CDH13: variants seen among roughly 807,000 people sequenced by gnomAD.
CDH13 encodes cadherin 13.
CDH13 carries 24 observed loss-of-function variants against 63.8 expected under a neutral mutation model. That is an observed-to-expected ratio of 0.38 (90% confidence interval 0.27 to 0.53). The LOEUF is 0.53. Ranked by LOEUF, CDH13 falls within the 20% of genes least tolerant of loss-of-function variation. The pLI is 0.85. For missense variants in CDH13, 1,049 were observed against 903.1 expected, an observed-to-expected ratio of 1.16 and a Z score of -2.07; for synonymous variants, 503 against 355.3, an observed-to-expected ratio of 1.42 and a Z score of -4.67.
chr16:82,683,907 T>G (rs1256511389), intron 1 of CDH13, among the ~76,000 whole-genome samples: 2 of 152,242 alleles, frequency 1.3e-5, no homozygotes, highest in African/African-American at 4.8e-5. Flanking sequence ...ATTGTGCGCT[T>G]TTTATTCTTT....
intron 1 of CDH13, among the ~76,000 whole-genome samples, chr16:82,725,581 TGGTG>T (rs2033049244): frequency 6.6e-6 from 1 of 152,220 alleles, no homozygotes; most frequent in African/African-American, 2.4e-5. Context: ...TCCTGGCACA[TGGTG>T]ACCTCTTAAT....
intron 10 of CDH13, among the ~76,000 whole-genome samples, chr16:83,727,941 T>G (rs1262788565): frequency 1.3e-5 from 2 of 152,178 alleles, no homozygotes; most frequent in Non-Finnish European, 2.9e-5. Flanking sequence ...AGTATCAAGT[T>G]TGACTGATGG....
At chr16:83,514,983 G>C (rs1172058981) in intron 7 of CDH13, among the ~76,000 whole-genome samples, 1 of 152,168 alleles carries the variant, frequency 6.6e-6, no homozygotes, top group Non-Finnish European at 1.5e-5. Context: ...TGGCGAAATG[G>C]AGACTGAAAG....
At chr16:83,514,346 C>T (rs1232386337) in intron 7 of CDH13, among the ~76,000 whole-genome samples, 1 of 152,076 alleles carries the variant, frequency 6.6e-6, no homozygotes, top group African/African-American at 2.4e-5. Flanking sequence ...TTGGAGTATC[C>T]TCATAAGAAG....
intron 8 of CDH13, among the ~76,000 whole-genome samples, chr16:83,635,490 C>T (rs1911177192): frequency 1.3e-5 from 2 of 151,762 alleles, no homozygotes; most frequent in African/African-American, 4.8e-5. Context: ...ATTGCAGGCA[C>T]ATGCCACCAT....
intron 5 of CDH13, among the ~76,000 whole-genome samples, chr16:83,287,793 T>C (rs2089358075): frequency 6.6e-6 from 1 of 152,208 alleles, no homozygotes; most frequent in Admixed American, 6.5e-5. Flanking sequence ...AAAAATTGTC[T>C]TCCATGGAAC....
chr16:82,724,124 T>C (rs1474035696), intron 1 of CDH13, among the ~76,000 whole-genome samples: 1 of 152,164 alleles, frequency 6.6e-6, no homozygotes, highest in South Asian at 2.1e-4. Context: ...GATCCTACAA[T>C]TGTGCAGGGT....
At chr16:82,983,425 C>T (rs1910541336) in intron 2 of CDH13, among the ~76,000 whole-genome samples, 1 of 152,142 alleles carries the variant, frequency 6.6e-6, no homozygotes, top group Non-Finnish European at 1.5e-5. Context: ...ATGTCATAGT[C>T]TGAGTTTGGA....
At chr16:82,922,963 A>G (rs1288040217) in intron 2 of CDH13, among the ~76,000 whole-genome samples, 3 of 152,214 alleles carry the variant, frequency 2.0e-5, no homozygotes, top group Non-Finnish European at 2.9e-5. Flanking sequence ...TTTGTATCCC[A>G]GTGAATATGA....
intron 2 of CDH13, 109 bp from the exon 3 acceptor site, chr16:83,031,901 T>A: frequency 2.3e-6 from 2 of 852,142 alleles, no homozygotes; most frequent in East Asian, 5.3e-5. Flanking sequence ...ATTTGTGAAC[T>A]CTGGGTTGGG....
At chr16:83,124,077 G>A (rs943305706) in intron 3 of CDH13, among the ~76,000 whole-genome samples, 3 of 152,036 alleles carry the variant, frequency 2.0e-5, no homozygotes, top group African/African-American at 7.2e-5. Flanking sequence ...CTGGAGTCTC[G>A]TTCTGTCACC....
In CDH13 at chr16:83,486,744, T is replaced by A. The variant is rs113405486; in HGVS notation, c.960+89T>A. 2,331 of 1,213,452 alleles carry A rather than the reference T, an allele frequency of 1.9e-3. 25 individuals carry two copies. The African/African-American group carries it at 0.031, about 16-fold the overall frequency. The allele number at this position is 1,213,452 out of a possible 1,614,324, so 75.2% of individuals were successfully genotyped here. On this transcript the variant is annotated intron_variant, in intron 7 of 13. Coordinates refer to ENST00000567109, the MANE Select transcript of CDH13 (RefSeq NM_001257.5). ...GATGTGGGGCTCCAGTCAGTGGTTT[T>A]TTTTAATACTGTAAAGGCAGAAATG...
At chr16:82,829,530 T>C (rs2038428504) in intron 1 of CDH13, 1 of 151,888 alleles carries the variant, frequency 6.6e-6, no homozygotes, top group Admixed American at 6.6e-5. Context: ...AAAAGTGCAG[T>C]CGGAAGACAG....
intron 7 of CDH13, among the ~76,000 whole-genome samples, chr16:83,528,958 G>A (rs2075022394): frequency 6.6e-6 from 1 of 152,174 alleles, no homozygotes; most frequent in African/African-American, 2.4e-5. Flanking sequence ...TACTAATGGG[G>A]TAGTTATATA....
At chr16:83,707,836 C>CAAAAAAAAAAAAAAGAA (rs1907343699) in intron 10 of CDH13, among the ~76,000 whole-genome samples, 1 of 78,902 alleles carries the variant, frequency 1.3e-5, no homozygotes, top group Non-Finnish European at 2.3e-5. Flanking sequence ...ACCCTAAAGG[C>CAAAAAAAAAAAAAAGAA]AAAAAAAAAA....
intron 5 of CDH13, among the ~76,000 whole-genome samples, chr16:83,264,769 G>A (rs1244790172): frequency 6.6e-6 from 1 of 150,892 alleles, no homozygotes; most frequent in Admixed American, 6.6e-5. Context: ...TCTGGCATTT[G>A]TGTATGCATT....
At chr16:82,794,414 T>C (rs750918033) in intron 1 of CDH13, among the ~76,000 whole-genome samples, 7 of 151,386 alleles carry the variant, frequency 4.6e-5, no homozygotes, top group Non-Finnish European at 1.0e-4. Flanking sequence ...TTTCTTTTCT[T>C]TTCTTTTGTT....
At chr16:82,695,708 T>A (rs2030202948) in intron 1 of CDH13, among the ~76,000 whole-genome samples, 1 of 152,182 alleles carries the variant, frequency 6.6e-6, no homozygotes, top group Non-Finnish European at 1.5e-5. Context: ...GATTGTTAGG[T>A]CACTAATTGA....
At chr16:83,114,007 G>C (rs1366010488) in intron 3 of CDH13, among the ~76,000 whole-genome samples, 1 of 152,164 alleles carries the variant, frequency 6.6e-6, no homozygotes, top group Non-Finnish European at 1.5e-5. Flanking sequence ...GCTGAAGAGA[G>C]AACATCTGGA....
Sources: allele counts gnomAD v4.1 joint callset (sites outside exome capture counted in the v4.1 genomes callset), GRCh38; gene constraint gnomAD v4.1.1; transcripts MANE v1.5; gene names NCBI Gene and HGNC (gene_info 2026-07-23, HGNC 2026-07-21).